The following NRXN1 variants were observed in gnomAD, a reference collection of about 807,000 sequenced individuals.
NRXN1 encodes the protein neurexin 1, also known as neurexin-1.
Under a neutral mutation model 150.9 loss-of-function variants are expected in NRXN1, and 39 were observed. The observed-to-expected ratio is 0.26, with a 90% CI of 0.20 to 0.34. The LOEUF (loss-of-function observed/expected upper bound fraction) is 0.34. NRXN1 is among the 10% of genes least tolerant of loss of function. The pLI is 1.00. For missense variants in NRXN1, 1,815 were observed against 1,949.9 expected, an observed-to-expected ratio of 0.93 and a Z score of 1.30; for synonymous variants, 924 against 757.0, an observed-to-expected ratio of 1.22 and a Z score of -3.62.
intron 10 of NRXN1, among the ~76,000 whole-genome samples, chr2:50,535,289 T>TG (rs1451958040): frequency 6.6e-6 from 1 of 152,224 alleles, no homozygotes; most frequent in Non-Finnish European, 1.5e-5. Flanking sequence ...TACTTCCCAC[T>TG]GGGGGAGAAA....
intron 21 of NRXN1, among the ~76,000 whole-genome samples, chr2:50,021,994 G>T (rs945669323): frequency 6.6e-6 from 1 of 152,166 alleles, no homozygotes; most frequent in Admixed American, 6.6e-5. Context: ...GGGACTACAG[G>T]TGTGTGCCAC....
At chr2:50,297,967 C>T (rs185236433) in intron 17 of NRXN1, among the ~76,000 whole-genome samples, 115 of 152,246 alleles carry the variant, frequency 7.6e-4, no homozygotes, top group African/African-American at 2.6e-3. Flanking sequence ...TCCAATGTGG[C>T]TCAGGGTTTG....
In NRXN1 at chr2:50,780,751, G is replaced by A. The variant is rs573209631; in HGVS notation, c.832+141118C>T. Among the ~76,000 whole-genome samples the A allele has an allele frequency of 1.7e-4, 26 of 152,054 alleles. No homozygotes were observed. In the East Asian group the frequency reaches 4.7e-3, roughly 27 times the overall value. On this transcript the variant is annotated intron_variant, in intron 5 of 22. Transcript: ENST00000401669. Reference sequence around the variant, plus strand: ...AATTATGTTGAACATTTAAAAATTTGTTTATTAACCACTTTTTTATATGAT... The same window carrying A: ...AATTATGTTGAACATTTAAAAATTTATTTATTAACCACTTTTTTATATGAT...
At chr2:50,666,235 T>TTC (rs1574027318) in intron 5 of NRXN1, among the ~76,000 whole-genome samples, 1 of 152,122 alleles carries the variant, frequency 6.6e-6, no homozygotes, top group East Asian at 1.9e-4. Context: ...CAGTTGTTCA[T>TTC]TCGCTCTCAT....
At position 50,093,033 on chromosome 2, in the gene NRXN1, T is replaced by C. The variant is rs118072904; in HGVS notation, c.3547-1539A>G. On this transcript the variant is annotated intron_variant, in intron 18 of 22. Coordinates refer to ENST00000401669, the MANE Select transcript of NRXN1 (RefSeq NM_001330078.2). ...ATATCACATGTGTTAAAAATGTATG[T>C]ACTAAATTAATTACTGAAAATGAGC... Among the ~76,000 whole-genome samples the C allele has an allele frequency of 5.6e-3, 848 of 152,306 alleles. 20 individuals carry two copies. Among genetic ancestry groups the C allele is most frequent in the East Asian group, 0.037 (192 of 5,180 alleles).
chr2:50,053,650 G>A, intron 20 of NRXN1, 60 bp from the exon 21 acceptor site: 3 of 1,527,710 alleles, frequency 2.0e-6, no homozygotes, highest in Non-Finnish European at 2.7e-6. Context: ...TATCTACAAT[G>A]GATGATAAAA....
intron 5 of NRXN1, among the ~76,000 whole-genome samples, chr2:50,700,990 T>G (rs1454214267): frequency 1.3e-5 from 2 of 152,074 alleles, no homozygotes; most frequent in African/African-American, 4.8e-5. Context: ...TTAAAATCTC[T>G]TAAATTGTCC....
chr2:50,131,896 A>G (rs1021640728), intron 18 of NRXN1, among the ~76,000 whole-genome samples: 38 of 106,502 alleles, frequency 3.6e-4, no homozygotes, highest in African/African-American at 1.3e-3. Context: ...AAACAAGTAC[A>G]CTAGACGGTC....
At chr2:50,044,697 T>C (rs1691532896) in intron 21 of NRXN1, among the ~76,000 whole-genome samples, 1 of 152,222 alleles carries the variant, frequency 6.6e-6, no homozygotes, top group Non-Finnish European at 1.5e-5. Context: ...AATTTATGTA[T>C]AGATTCACTA....
chr2:49,952,927 T>G (rs767637763), intron 21 of NRXN1, among the ~76,000 whole-genome samples: 18 of 152,168 alleles, frequency 1.2e-4, no homozygotes, highest in Non-Finnish European at 2.2e-4. Context: ...GCCATATTGG[T>G]AGTTTCTCCA....
At chr2:50,109,077 C>G (rs1464545421) in intron 18 of NRXN1, among the ~76,000 whole-genome samples, 1 of 152,042 alleles carries the variant, frequency 6.6e-6, no homozygotes, top group Non-Finnish European at 1.5e-5. Flanking sequence ...TTTAATGAAA[C>G]TATATAATTT....
chr2:50,323,817 A>G (rs1295721357), intron 17 of NRXN1, among the ~76,000 whole-genome samples: 1 of 152,208 alleles, frequency 6.6e-6, no homozygotes, highest in African/African-American at 2.4e-5. Context: ...TAGAAAACAT[A>G]GGAAACGACA....
At chr2:50,823,039 C>T (rs1669956158) in intron 5 of NRXN1, among the ~76,000 whole-genome samples, 3 of 152,156 alleles carry the variant, frequency 2.0e-5, no homozygotes, top group Admixed American at 6.5e-5. Flanking sequence ...CTATAGACGT[C>T]AATAATCAAT....
chr2:49,959,022 T>C (rs1246586758), intron 21 of NRXN1, among the ~76,000 whole-genome samples: 1 of 152,204 alleles, frequency 6.6e-6, no homozygotes, highest in Non-Finnish European at 1.5e-5. Context: ...CAAGACCTGT[T>C]AGTTTCTTCC....
chr2:50,925,826 A>G (rs1558432592), intron 3 of NRXN1, 112 bp downstream of exon 3: 44 of 817,970 alleles, frequency 5.4e-5, no homozygotes, highest in Non-Finnish European at 6.1e-6. Flanking sequence ...CCAGAAACCA[A>G]CAAATGTTCA....
At chr2:50,014,266 C>T (rs931067363) in intron 21 of NRXN1, among the ~76,000 whole-genome samples, 62 of 151,768 alleles carry the variant, frequency 4.1e-4, no homozygotes, top group Non-Finnish European at 5.2e-4. Flanking sequence ...GATTAGTTAC[C>T]AATGCAACTA....
At chr2:50,258,022 A>T (rs1417874596) in intron 17 of NRXN1, among the ~76,000 whole-genome samples, 1 of 152,010 alleles carries the variant, frequency 6.6e-6, no homozygotes, top group Admixed American at 6.6e-5. Context: ...TTTATTGCTA[A>T]ATCATCTGAG....
chr2:50,678,169 T>C (rs1689814616), intron 5 of NRXN1, among the ~76,000 whole-genome samples: 1 of 152,156 alleles, frequency 6.6e-6, no homozygotes, highest in Admixed American at 6.5e-5. Flanking sequence ...GTCACCATTC[T>C]AAACTAAGCA....
At chr2:50,002,804 C>A (rs568971401) in intron 21 of NRXN1, among the ~76,000 whole-genome samples, 13 of 152,154 alleles carry the variant, frequency 8.5e-5, no homozygotes, top group Admixed American at 2.6e-4. Context: ...TAAAGATGAG[C>A]CAGCTCAACT....
Sources: allele counts gnomAD v4.1 joint callset (sites outside exome capture counted in the v4.1 genomes callset), GRCh38; gene constraint gnomAD v4.1.1; transcripts MANE v1.5; gene names NCBI Gene and HGNC (gene_info 2026-07-23, HGNC 2026-07-21).